Variants in TEPSIN observed in about 807,000 individuals in gnomAD.
TEPSIN encodes TEPSIN adaptor related protein complex 4 accessory protein.
Under a neutral mutation model 48.5 loss-of-function variants are expected in TEPSIN, and 50 were observed. The observed-to-expected ratio is 1.03, with a 90% CI of 0.82 to 1.31. The LOEUF is 1.31. Ranked by LOEUF, TEPSIN falls within the 50% of genes most tolerant of loss-of-function variation. The pLI is 0.00. For missense variants in TEPSIN, 838 were observed against 815.9 expected, an observed-to-expected ratio of 1.03 and a Z score of -0.33; for synonymous variants, 392 against 358.8, an observed-to-expected ratio of 1.09 and a Z score of -1.05.
rs146160038 is a variant in TEPSIN, at chr17:81,237,551, C to T, written c.49-92G>A. On this transcript the variant is annotated intron_variant, in intron 1 of 12. Coordinates refer to ENST00000637944, the MANE Select transcript of TEPSIN (RefSeq NM_001363764.2). ...CCCAAAGGGGATGGAAACGACCCAC[C>T]TCTCACTGTTGACATGGCCGGAGAG... 2,015 of 1,304,658 alleles carry T rather than the reference C, an allele frequency of 1.5e-3. 5 individuals are homozygous for T. The highest frequency in any genetic ancestry group is 2.0e-3 in the Non-Finnish European group (1,904 of 953,856). The allele number at this position is 1,304,658 out of a possible 1,614,324, so 80.8% of individuals were successfully genotyped here.
At chr17:81,232,956 T>C in intron 7 of TEPSIN, 1 of 232,254 alleles carries the variant, frequency 4.3e-6, no homozygotes, top group Non-Finnish European at 8.5e-6. Context: ...GGTGAGCAGC[T>C]ACACACCGCC....
rs1567904712 is a variant in TEPSIN at position 81,232,317 on chromosome 17, C to CGG, written c.726_727dup (p.Arg243ProfsTer4). ...GGGAGGAGCCCTCGCCTCGATACCT[C>CGG]GGGGACCTGGAATGGCCCCGGGGAG... On this transcript the variant is annotated frameshift_variant, in exon 8 of 13. Coordinates refer to ENST00000637944, the MANE Select transcript of TEPSIN (RefSeq NM_001363764.2). LOFTEE classifies it high-confidence loss of function. 3.9e-6 allele frequency: 6 copies of CGG among 1,526,940 alleles called. No individual in the cohort carries two copies. The highest frequency in any genetic ancestry group is 5.3e-6 in the Non-Finnish European group (6 of 1,140,282). The allele number at this position is 1,526,940 out of a possible 1,614,324, so 94.6% of individuals were successfully genotyped here. A position where few individuals can be genotyped will look rare whatever the true frequency, so the allele number is the denominator to read the frequency against.
rs566719497 is a variant in TEPSIN at position 81,233,438 on chromosome 17, G to A, written c.520C>T (p.Arg174Cys). ...QGFGYSKEHG[R>C]TGSAGEAFLS... Reference sequence around the variant, plus strand: ...GCAGGCCCTCCCCACTCACCCGTGCGGCCGTGTTCCTTGCTGTAGCCGAAA... The same window carrying A: ...GCAGGCCCTCCCCACTCACCCGTGCAGCCGTGTTCCTTGCTGTAGCCGAAA... The change falls in exon 7 of 13, where the codon CGC (arginine) becomes TGC (cysteine). Residue 174 changes from arginine (R) to cysteine (C), a missense_variant. Arg to Cys is a radical substitution (Grantham distance 180). Transcript: ENST00000637944. The surrounding 1 kb of genome is among the most constrained non-coding windows in gnomAD (Gnocchi z 5.8). 6.8e-6 allele frequency: 11 copies of A among 1,610,832 alleles called. No individual in the cohort carries two copies. The highest frequency in any genetic ancestry group is 2.2e-5 in the South Asian group (2 of 90,856).
At chr17:81,238,632 C>T in intron 1 of TEPSIN, 1 of 1,139,112 alleles carries the variant, frequency 8.8e-7, no homozygotes, top group South Asian at 3.8e-5. Context: ...GGCTGCCAGC[C>T]CACCTGGGCG....
In TEPSIN at chr17:81,230,712, G is replaced by A; in HGVS notation, c.1099-34C>T. On this transcript the variant is annotated intron_variant, in intron 11 of 12. Transcript: ENST00000637944. The surrounding 1 kb of genome is among the most constrained non-coding windows in gnomAD (Gnocchi z 4.2). ...GAAGGGAGGGGACATCAGCACCCAT[G>A]GGGCAGCAGGTCCACGCCAGGGAGG... 6.7e-7 allele frequency: 1 copy of A among 1,490,718 alleles called. No individual in the cohort carries two copies. The highest frequency in any genetic ancestry group is 8.9e-7 in the Non-Finnish European group (1 of 1,118,982). 92.3% of individuals were successfully genotyped at this position (1,490,718 alleles called of 1,614,324 possible). A position where few individuals can be genotyped will look rare whatever the true frequency, so the allele number is the denominator to read the frequency against.
Position 81,234,972 on chromosome 17 carries a change from T to C in TEPSIN, c.308-924A>G, listed in dbSNP as rs1218764091. On this transcript the variant is annotated intron_variant, in intron 4 of 12. Transcript: ENST00000637944. This position sits in a 1 kb window ranked among gnomAD's most constrained non-coding sequence, Gnocchi z 5.4. ...GCACGACCATGAACCACAAATAACATCTCCAACCAGAAACATTCCAAACTC... is the reference window on the plus strand; with the variant it reads ...GCACGACCATGAACCACAAATAACACCTCCAACCAGAAACATTCCAAACTC... Among the ~76,000 whole-genome samples, 1 of 151,758 alleles carries C rather than the reference T, an allele frequency of 6.6e-6. No homozygotes were observed. The highest frequency in any genetic ancestry group is 2.4e-5 in the African/African-American group (1 of 41,276).
chr17:81,232,037 C>G lies in TEPSIN; in HGVS notation c.731-16G>C. The stretch of plus-strand genomic sequence containing the variant: ...TGCCTCACAGCTGGAGGAAACAGGA[C>G]AGCCGGTGAGATCCCTGGGGCTTCA... On this transcript the variant is annotated splice_polypyrimidine_tract_variant and intron_variant, in intron 8 of 12. Transcript: ENST00000637944. 6.2e-7 allele frequency: 1 copy of G among 1,601,482 alleles called. No individual in the cohort carries two copies. The highest frequency in any genetic ancestry group is 8.5e-7 in the Non-Finnish European group (1 of 1,177,502).
Position 81,234,113 on chromosome 17 carries a change from A to G in TEPSIN, c.308-65T>C. 1 of 1,425,764 alleles carries G rather than the reference A, an allele frequency of 7.0e-7. No homozygotes were observed. The highest frequency in any genetic ancestry group is 9.3e-7 in the Non-Finnish European group (1 of 1,072,764). The allele number at this position is 1,425,764 out of a possible 1,614,324, so 88.3% of individuals were successfully genotyped here. ...CTGGCACCGCTGCTCCCTGTGGAGC[A>G]CGGTGCCCTGGGCCCACTCCAGGGT... is the stretch of plus-strand genomic sequence containing the variant. On this transcript the variant is annotated intron_variant, in intron 4 of 12. Transcript: ENST00000637944. This position sits in a 1 kb window ranked among gnomAD's most constrained non-coding sequence, Gnocchi z 5.4.
In TEPSIN at chr17:81,229,183, G is replaced by A. The variant is rs1444799152; in HGVS notation, c.1527C>T (p.Ser509=). The A allele has an allele frequency of 6.2e-7, 1 of 1,609,804 alleles. No individual in the cohort carries two copies. Among genetic ancestry groups the A allele is most frequent in the Non-Finnish European group, 8.5e-7 (1 of 1,179,308 alleles). The change falls in exon 13 of 13, where the codon AGC becomes AGT. Residue 509 remains serine, a synonymous_variant. Coordinates refer to ENST00000637944, the MANE Select transcript of TEPSIN (RefSeq NM_001363764.2). ...PSEAEARLAE[S]RRWRPERIPG... is the part of the protein sequence containing the mutation. ...GGATCCGTTCAGGTCTCCACCGCCT[G>A]CTTTCTGCCAGTCTGGCCTCGGCCT...
intron 1 of TEPSIN, chr17:81,238,492 G>C (rs2062766399): frequency 1.8e-6 from 1 of 546,386 alleles, no homozygotes; most frequent in South Asian, 7.9e-5. Context: ...ACTTCTCAGA[G>C]GGTTTACTAA....
In TEPSIN at chr17:81,234,367, G is replaced by A. The variant is rs568101506; in HGVS notation, c.308-319C>T. On this transcript the variant is annotated intron_variant, in intron 4 of 12. Transcript: ENST00000637944. The surrounding 1 kb of genome is among the most constrained non-coding windows in gnomAD (Gnocchi z 5.4). ...CACTCTCCCTGCCCCAGGTGCACCA[G>A]GGACCCCTCAGAGGCTTCCGGGGCC... The A allele has an allele frequency of 6.1e-4, 170 of 279,052 alleles. No individual in the cohort carries two copies. The highest frequency in any genetic ancestry group is 3.6e-3 in the African/African-American group (164 of 45,648). The allele number at this position is 279,052 out of a possible 1,614,324, so 17.3% of individuals were successfully genotyped here.
Position 81,233,558 on chromosome 17 carries a change from C to T in TEPSIN, c.455-55G>A, listed in dbSNP as rs1415814137. On this transcript the variant is annotated intron_variant, in intron 6 of 12. Coordinates refer to ENST00000637944, the MANE Select transcript of TEPSIN (RefSeq NM_001363764.2). The surrounding 1 kb of genome is among the most constrained non-coding windows in gnomAD (Gnocchi z 5.8). ...CGGCCCCCACCCTCGGCCCTGCCCA[C>T]GGATGGCACAGACACCCAGGACACT... The T allele has an allele frequency of 7.0e-6, 11 of 1,563,302 alleles. No homozygotes were observed. In the Middle Eastern group the frequency reaches 5.1e-4, roughly 73 times the overall value.
chr17:81,236,199 A>G (rs1036128009), intron 4 of TEPSIN, among the ~76,000 whole-genome samples: 4 of 152,168 alleles, frequency 2.6e-5, no homozygotes, highest in African/African-American at 9.7e-5. Context: ...CTGCCTGGAC[A>G]GACCGACTGG....
rs117944787 is a variant in TEPSIN at position 81,238,328 on chromosome 17, G to A, written c.48+658C>T. 854 of 382,986 alleles carry A rather than the reference G, an allele frequency of 2.2e-3. 15 individuals are homozygous for A. In the South Asian group the frequency reaches 0.055, roughly 25 times the overall value. The allele number at this position is 382,986 out of a possible 1,614,324, so 23.7% of individuals were successfully genotyped here. ...AACGACTATGTCGAAACCTTGCACT[G>A]AGAGCCTTGACCAACCCTAGCGTGG... On this transcript the variant is annotated intron_variant, in intron 1 of 12. Transcript: ENST00000637944.
chr17:81,233,533 C>T lies in TEPSIN; in HGVS notation c.455-30G>A, dbSNP rs1186314927. ...AGAGGGTCCTCCGTTAGCAGCAAGCCGGCCCCCACCCTCGGCCCTGCCCAC... is the reference window on the plus strand; with the variant it reads ...AGAGGGTCCTCCGTTAGCAGCAAGCTGGCCCCCACCCTCGGCCCTGCCCAC... On this transcript the variant is annotated intron_variant, in intron 6 of 12. Coordinates refer to ENST00000637944, the MANE Select transcript of TEPSIN (RefSeq NM_001363764.2). This position sits in a 1 kb window ranked among gnomAD's most constrained non-coding sequence, Gnocchi z 5.8. The T allele has an allele frequency of 3.8e-6, 6 of 1,570,922 alleles. No homozygotes were observed. The highest frequency in any genetic ancestry group is 2.3e-5 in the East Asian group (1 of 44,220).
At chr17:81,232,113 G>A (rs1030331367) in intron 8 of TEPSIN, 92 bp from the exon 9 acceptor site, 12 of 1,470,516 alleles carry the variant, frequency 8.2e-6, no homozygotes, top group Non-Finnish European at 1.0e-5. Flanking sequence ...GGCCTCGGGG[G>A]CTGAGTCCTG....
chr17:81,236,869 G>A (rs1336074012), intron 3 of TEPSIN, 68 bp from the exon 4 acceptor site: 1 of 1,536,098 alleles, frequency 6.5e-7, no homozygotes, highest in Non-Finnish European at 8.8e-7. Flanking sequence ...GGGCCCGGGG[G>A]CACCCCAAGG....
Position 81,232,316 on chromosome 17 carries a change from T to TCGGGGACCTGGAATGGCCC in TEPSIN, c.710_728dup (p.Ala244GlyfsTer21). 1 of 1,526,996 alleles carries TCGGGGACCTGGAATGGCCC rather than the reference T, an allele frequency of 6.5e-7. No homozygotes were observed. The highest frequency in any genetic ancestry group is 8.8e-7 in the Non-Finnish European group (1 of 1,140,348). The allele number at this position is 1,526,996 out of a possible 1,614,324, so 94.6% of individuals were successfully genotyped here. A position where few individuals can be genotyped will look rare whatever the true frequency, so the allele number is the denominator to read the frequency against. Reference sequence around the variant, plus strand: ...GGGGAGGAGCCCTCGCCTCGATACCTCGGGGACCTGGAATGGCCCCGGGGA... The same window carrying TCGGGGACCTGGAATGGCCC: ...GGGGAGGAGCCCTCGCCTCGATACCTCGGGGACCTGGAATGGCCCCGGGGACCTGGAATGGCCCCGGGGA... On this transcript the variant is annotated frameshift_variant and splice_region_variant, in exon 8 of 13. Transcript: ENST00000637944. LOFTEE classifies it high-confidence loss of function.
In TEPSIN at chr17:81,229,445, T is replaced by G. The variant is rs748037328; in HGVS notation, c.1265A>C (p.Gln422Pro). The change falls in exon 13 of 13, where the codon CAG becomes CCG. Residue 422 changes from glutamine to proline, a missense_variant. Coordinates refer to ENST00000637944, the MANE Select transcript of TEPSIN (RefSeq NM_001363764.2). Reference protein sequence around the residue: ...ILRHFEASCGQLSPARGTSAE... With the variant: ...ILRHFEASCGPLSPARGTSAE... ...TGAGGTGCCCCGGGCAGGGGACAGC[T>G]GCCCACAGGAGGCCTCAAAGTGCCT... 1 of 1,549,660 alleles carries G rather than the reference T, an allele frequency of 6.5e-7. No homozygotes were observed. The highest frequency in any genetic ancestry group is 2.4e-5 in the East Asian group (1 of 40,936).
Sources: gnomAD v4.1 joint callset for allele counts (sites outside exome capture counted in the v4.1 genomes callset) on GRCh38, gnomAD v4.1.1 for gene constraint, Gnocchi (gnomAD v3.1) non-coding constraint, MANE v1.5 for transcripts, NCBI Gene and HGNC (gene_info 2026-07-23, HGNC 2026-07-21) for gene names.